Variants in TTC9C observed in about 807,000 individuals in gnomAD.
TTC9C encodes tetratricopeptide repeat domain 9C.
In TTC9C, 15 loss-of-function variants were observed where a neutral mutation model predicts 22.5. The observed-to-expected ratio is 0.67, with a 90% CI of 0.45 to 1.03. The LOEUF (loss-of-function observed/expected upper bound fraction) is 1.03. Ranked by LOEUF, TTC9C falls within the 50% of genes least tolerant of loss-of-function variation. The probability of loss-of-function intolerance (pLI) is 0.00; values close to 1 mark genes in which losing one functional copy is unlikely to be tolerated. For missense variants in TTC9C, 244 were observed against 214.6 expected (o/e 1.14, Z -0.86); for synonymous variants, 92 against 86.8 (o/e 1.06, Z -0.33).
At chr11:62,729,619 A>C (rs185314191) in intron 1 of TTC9C, among the ~76,000 whole-genome samples, 5 of 128,448 alleles carry the variant, frequency 3.9e-5, no homozygotes, top group African/African-American at 1.5e-4. Flanking sequence ...CTTGTTGCCC[A>C]GGTTGGAGTG....
chr11:62,729,222 T>C, intron 1 of TTC9C, 136 bp downstream of exon 1: 1 of 756,614 alleles, frequency 1.3e-6, no homozygotes, highest in South Asian at 1.8e-5. Context: ...TGGAATAACC[T>C]GTCAATCTGT....
chr11:62,729,169 C>CT (rs34615969), intron 1 of TTC9C, 83 bp downstream of exon 1: 193,158 of 924,546 alleles, frequency 0.21, 5,378 homozygotes, highest in African/African-American at 0.33. Context: ...AAAACGCTGA[C>CT]TTTTTTTTTT....
At chr11:62,733,459 C>T (rs2083875207) in intron 1 of TTC9C, among the ~76,000 whole-genome samples, 1 of 152,158 alleles carries the variant, frequency 6.6e-6, no homozygotes, top group South Asian at 2.1e-4. Context: ...TAGCACAGCG[C>T]TTGCCATTTC....
At chr11:62,732,749 T>A (rs1258433547) in intron 1 of TTC9C, among the ~76,000 whole-genome samples, 1 of 152,094 alleles carries the variant, frequency 6.6e-6, no homozygotes, top group Non-Finnish European at 1.5e-5. Context: ...TGAAACTCCA[T>A]CTCTATTAAA....
At chr11:62,731,252 T>C (rs2083845825) in intron 1 of TTC9C, among the ~76,000 whole-genome samples, 1 of 152,142 alleles carries the variant, frequency 6.6e-6, no homozygotes. Context: ...TTTTGTAGGC[T>C]GTCTTTCCAG....
At chr11:62,731,672 T>C (rs1342932267) in intron 1 of TTC9C, among the ~76,000 whole-genome samples, 1 of 151,528 alleles carries the variant, frequency 6.6e-6, no homozygotes, top group African/African-American at 2.4e-5. Flanking sequence ...TGTCCCGACA[T>C]AGTTTTATTT....
At chr11:62,737,598 T>C (rs1411752954) in intron 2 of TTC9C, among the ~76,000 whole-genome samples, 2 of 152,196 alleles carry the variant, frequency 1.3e-5, no homozygotes, top group Non-Finnish European at 2.9e-5. Context: ...CATTATGAAT[T>C]AATAAAGATA....
Position 62,728,739 on chromosome 11 carries a change from A to G in TTC9C, c.-110A>G, listed in dbSNP as rs774999233. On this transcript the variant is annotated 5_prime_UTR_variant, in exon 1 of 3. Transcript: ENST00000316461. ...GGGGGGACTCTCCAGGAAGAAGGGTAATTTCCTGCCTCCTTAAATTGGCTG... is the reference window on the plus strand; with the variant it reads ...GGGGGGACTCTCCAGGAAGAAGGGTGATTTCCTGCCTCCTTAAATTGGCTG... 11 of 1,064,174 alleles carry G rather than the reference A, an allele frequency of 1.0e-5. No homozygotes were observed. The highest frequency in any genetic ancestry group is 1.9e-5 in the Admixed American group (1 of 51,688). The allele number at this position is 1,064,174 out of a possible 1,614,324, so 65.9% of individuals were successfully genotyped here.
chr11:62,734,279 C>A (rs1565171916), intron 1 of TTC9C, among the ~76,000 whole-genome samples: 1 of 150,910 alleles, frequency 6.6e-6, no homozygotes, highest in East Asian at 2.0e-4. Flanking sequence ...GCCTGGGCGA[C>A]AGAGCGAGAC....
rs572561785 is a variant in TTC9C at position 62,735,633 on chromosome 11, G to A, written c.421+69G>A. On this transcript the variant is annotated intron_variant, in intron 2 of 2. Transcript: ENST00000316461. ...GCTGGGGTGGATCTGTGGAAAGGGG[G>A]TTTTATTTTACTTTGCCAATGTATT... The A allele has an allele frequency of 8.1e-6, 12 of 1,489,230 alleles. No individual in the cohort carries two copies. In the African/African-American group the frequency reaches 1.7e-4, roughly 21 times the overall value. The allele number at this position is 1,489,230 out of a possible 1,614,324, so 92.3% of individuals were successfully genotyped here. A position where few individuals can be genotyped will look rare whatever the true frequency, so the allele number is the denominator to read the frequency against.
chr11:62,734,181 C>A (rs2083884404), intron 1 of TTC9C, among the ~76,000 whole-genome samples: 4 of 151,552 alleles, frequency 2.6e-5, no homozygotes. Context: ...GCCTGTAATC[C>A]CAGCTACTCG....
At chr11:62,734,730 A>T (rs1316177230) in intron 1 of TTC9C, among the ~76,000 whole-genome samples, 1 of 152,116 alleles carries the variant, frequency 6.6e-6, no homozygotes, top group African/African-American at 2.4e-5. Context: ...CAAATCTCCT[A>T]CCTCAGCCTC....
chr11:62,735,279 T>C, intron 1 of TTC9C, 103 bp from the exon 2 acceptor site: 1 of 1,452,406 alleles, frequency 6.9e-7, no homozygotes, highest in East Asian at 2.4e-5. Flanking sequence ...ATTTGTTGAC[T>C]GAATGTTGTT....
chr11:62,730,551 CCTCG>C (rs2083836351), intron 1 of TTC9C, among the ~76,000 whole-genome samples: 1 of 152,164 alleles, frequency 6.6e-6, no homozygotes, highest in Admixed American at 6.6e-5. Flanking sequence ...TCCAAACTCA[CCTCG>C]AGGCCCCAGC....
intron 2 of TTC9C, among the ~76,000 whole-genome samples, chr11:62,737,508 C>T (rs1401289743): frequency 1.3e-5 from 2 of 152,138 alleles, no homozygotes; most frequent in African/African-American, 2.4e-5. Flanking sequence ...TTCTGGCTTA[C>T]AATAGCCACT....
At chr11:62,731,848 ATT>A (rs956229058) in intron 1 of TTC9C, among the ~76,000 whole-genome samples, 42 of 140,058 alleles carry the variant, frequency 3.0e-4, no homozygotes, top group African/African-American at 1.1e-3. Flanking sequence ...CGCCCAGCTA[ATT>A]TTTTTTTTGT....
In TTC9C at chr11:62,735,384, T is replaced by G. The variant is rs1301678143; in HGVS notation, c.241T>G (p.Cys81Gly). 1 of 1,613,934 alleles carries G rather than the reference T, an allele frequency of 6.2e-7. No homozygotes were observed. Among genetic ancestry groups the G allele is most frequent in the Middle Eastern group, 1.7e-4 (1 of 6,060 alleles). Residue 81 changes from cysteine to glycine, a missense_variant and splice_region_variant, in exon 2 of 3, where the codon TGT becomes GGT. By Grantham distance (159) the Cys-to-Gly change is radical. Coordinates refer to ENST00000316461, the MANE Select transcript of TTC9C (RefSeq NM_173810.4). ...QTDCYNNLAA[C>G]LLQMEPVNYE... ...TCTCTTTTCATTTGGCCCATTAGCT[T>G]GTCTCCTTCAGATGGAGCCCGTGAA...
intron 2 of TTC9C, among the ~76,000 whole-genome samples, chr11:62,737,886 C>T (rs2083929392): frequency 6.6e-6 from 1 of 151,974 alleles, no homozygotes; most frequent in Admixed American, 6.6e-5. Flanking sequence ...CAAAAATTAA[C>T]CAAGCATGGT....
At chr11:62,738,166 A>G (rs2083932754) in intron 2 of TTC9C, 122 bp from the exon 3 acceptor site, 8 of 546,856 alleles carry the variant, frequency 1.5e-5, no homozygotes, top group Non-Finnish European at 3.2e-6. Flanking sequence ...TGGTTGCGAT[A>G]TATTCAGATC....
Sources: allele counts gnomAD v4.1 joint callset (sites outside exome capture counted in the v4.1 genomes callset), GRCh38; gene constraint gnomAD v4.1.1; transcripts MANE v1.5; gene names NCBI Gene and HGNC (gene_info 2026-07-23, HGNC 2026-07-21).